MCC: variants seen among roughly 807,000 people sequenced by gnomAD.
The protein encoded by MCC is MCC regulator of Wnt signaling pathway.
In MCC, 90 loss-of-function variants were observed where a neutral mutation model predicts 116.2. The observed-to-expected ratio is 0.77, with a 90% CI of 0.65 to 0.92. MCC has a LOEUF of 0.92. MCC is among the 40% of genes least tolerant of loss of function. The pLI is 0.00. For missense variants in MCC, 1,516 were observed against 1,312.2 expected (o/e 1.16, Z -2.40); for synonymous variants, 578 against 510.5 (o/e 1.13, Z -1.78).
intron 16 of MCC, chr5:113,048,781 G>T (rs1294355496): frequency 4.2e-6 from 2 of 478,786 alleles, no homozygotes; most frequent in South Asian, 4.3e-5. Flanking sequence ...GAGGGCTGCC[G>T]TGTGACAGAG....
chr5:113,053,820 T>G lies in MCC; in HGVS notation c.2353A>C (p.Ile785Leu). Residue 785 changes from isoleucine (I) to leucine (L), a missense_variant, in exon 15 of 19, where the codon ATC (isoleucine) becomes CTC (leucine). Ile to Leu is a conservative substitution (Grantham distance 5). Coordinates refer to ENST00000408903, the MANE Select transcript of MCC (RefSeq NM_001085377.2). ...LTMLELESIH[I>L]DPLSYDVKPR... ...TTGACGTCATAGCTGAGAGGATCGATGTGGATGCTTTCCAGCTCCAGCATG... is the reference window on the plus strand; with the variant it reads ...TTGACGTCATAGCTGAGAGGATCGAGGTGGATGCTTTCCAGCTCCAGCATG... The G allele has an allele frequency of 6.2e-7, 1 of 1,614,190 alleles. No homozygotes were observed. Among genetic ancestry groups the G allele is most frequent in the Non-Finnish European group, 8.5e-7 (1 of 1,180,030 alleles).
At chr5:113,465,548 G>T (rs1771877948) in intron 1 of MCC, among the ~76,000 whole-genome samples, 1 of 152,062 alleles carries the variant, frequency 6.6e-6, no homozygotes, top group African/African-American at 2.4e-5. Context: ...ACCATATAAA[G>T]CTTATATTTT....
intron 15 of MCC, among the ~76,000 whole-genome samples, chr5:113,052,703 A>G (rs1752563588): frequency 6.6e-6 from 1 of 151,952 alleles, no homozygotes; most frequent in Non-Finnish European, 1.5e-5. Flanking sequence ...GGAGCCATTA[A>G]CTCTGCACTG....
intron 1 of MCC, among the ~76,000 whole-genome samples, chr5:113,423,267 GC>G (rs1466804870): frequency 1.3e-5 from 2 of 152,180 alleles, no homozygotes; most frequent in East Asian, 3.8e-4. Flanking sequence ...TAAGTGCCTT[GC>G]AAAGAATATA....
chr5:113,150,713 C>A (rs4705797), intron 4 of MCC, among the ~76,000 whole-genome samples: 1 of 151,834 alleles, frequency 6.6e-6, no homozygotes, highest in East Asian at 1.9e-4. Context: ...ATGTAACATA[C>A]AAATGATAGA....
At chr5:113,165,427 A>C (rs1479479131) in intron 3 of MCC, among the ~76,000 whole-genome samples, 1 of 152,212 alleles carries the variant, frequency 6.6e-6, no homozygotes, top group Non-Finnish European at 1.5e-5. Flanking sequence ...TTACAAACTG[A>C]CTTATTCCTT....
At chr5:113,357,117 G>A (rs1768432719) in intron 2 of MCC, among the ~76,000 whole-genome samples, 1 of 152,164 alleles carries the variant, frequency 6.6e-6, no homozygotes, top group Admixed American at 6.5e-5. Context: ...GTTTCTTAAT[G>A]TTTAAAATAG....
In MCC at chr5:113,096,550, T is replaced by C. The variant is rs188731894; in HGVS notation, c.1398+5189A>G. On this transcript the variant is annotated intron_variant, in intron 8 of 18. Coordinates refer to ENST00000408903, the MANE Select transcript of MCC (RefSeq NM_001085377.2). The stretch of plus-strand genomic sequence containing the variant: ...CATGTAAATCAGCTGCATCAGAAAC[T>C]TGTACTGTTGAATATCCACATGTTC... Among the ~76,000 whole-genome samples the C allele has an allele frequency of 1.2e-4, 19 of 152,250 alleles. No individual in the cohort carries two copies. In the East Asian group the frequency reaches 3.1e-3, roughly 25 times the overall value.
At chr5:113,070,204 T>A (rs1479533396) in intron 12 of MCC, among the ~76,000 whole-genome samples, 2 of 152,222 alleles carry the variant, frequency 1.3e-5, no homozygotes, top group Non-Finnish European at 2.9e-5. Flanking sequence ...TAAACAAGAA[T>A]GTTTCTTAAA....
intron 3 of MCC, among the ~76,000 whole-genome samples, chr5:113,200,900 C>G (rs950877102): frequency 6.6e-6 from 1 of 152,190 alleles, no homozygotes; most frequent in Non-Finnish European, 1.5e-5. Context: ...TCTTTCAATG[C>G]ATTTGGCTTT....
chr5:113,357,093 G>A (rs2150383933), intron 2 of MCC, among the ~76,000 whole-genome samples: 1 of 152,300 alleles, frequency 6.6e-6, no homozygotes, highest in South Asian at 2.1e-4. Flanking sequence ...CATCAAGCAA[G>A]TTATTTAGCC....
intron 1 of MCC, among the ~76,000 whole-genome samples, chr5:113,413,014 A>C (rs1045765515): frequency 1.3e-5 from 2 of 152,200 alleles, no homozygotes; most frequent in Non-Finnish European, 2.9e-5. Flanking sequence ...CCTTTTCTGC[A>C]TCTATTGAGA....
intron 3 of MCC, among the ~76,000 whole-genome samples, chr5:113,291,799 T>A (rs539698402): frequency 1.3e-5 from 2 of 152,070 alleles, no homozygotes; most frequent in Non-Finnish European, 2.9e-5. Context: ...ACACCAAAGA[T>A]CTAATGTGAG....
chr5:113,056,252 A>G (rs1222648820), intron 14 of MCC, among the ~76,000 whole-genome samples: 1 of 152,220 alleles, frequency 6.6e-6, no homozygotes, highest in Non-Finnish European at 1.5e-5. Context: ...TACCTGCTTC[A>G]TAAAGTCAGG....
chr5:113,310,043 G>A (rs1228558500), intron 3 of MCC, among the ~76,000 whole-genome samples: 1 of 151,926 alleles, frequency 6.6e-6, no homozygotes, highest in African/African-American at 2.4e-5. Flanking sequence ...CCAGTTATAA[G>A]GAATACACGA....
chr5:113,231,565 C>G (rs1431581153), intron 3 of MCC, among the ~76,000 whole-genome samples: 1 of 152,088 alleles, frequency 6.6e-6, no homozygotes, highest in Non-Finnish European at 1.5e-5. Context: ...CACTTTGTTC[C>G]TACAGGCAAA....
chr5:113,461,744 TA>T (rs56312844), intron 1 of MCC, among the ~76,000 whole-genome samples: 45,280 of 118,638 alleles, frequency 0.38, 8,572 homozygotes, highest in East Asian at 0.61. Flanking sequence ...CTTGCACCAG[TA>T]AAAAAAAAAA....
At position 113,053,783 on chromosome 5, in the gene MCC, T is replaced by A. The variant is rs141603967; in HGVS notation, c.2390A>T (p.Asp797Val). 3 of 1,613,758 alleles carry A rather than the reference T, an allele frequency of 1.9e-6. No homozygotes were observed. The African/African-American group carries it at 4.0e-5, about 22-fold the overall frequency. Residue 797 changes from aspartate (D) to valine (V), a missense_variant, in exon 15 of 19, where the codon GAC (aspartate) becomes GTC (valine). By Grantham distance (152) the Asp-to-Val change is radical (BLOSUM62 -3). Coordinates refer to ENST00000408903, the MANE Select transcript of MCC (RefSeq NM_001085377.2). ...PLSYDVKPRG[D>V]SQRLDLENAV... ...GTTTTCCAGATCCAGCCTCTGGCTG[T>A]CTCCCCGAGGCTTGACGTCATAGCT...
At chr5:113,127,569 C>A (rs185504736) in intron 5 of MCC, among the ~76,000 whole-genome samples, 1 of 152,250 alleles carries the variant, frequency 6.6e-6, no homozygotes, top group Non-Finnish European at 1.5e-5. Context: ...TGGTGTGTCA[C>A]TGTGGTTTTG....
Sources: allele counts gnomAD v4.1 joint callset (sites outside exome capture counted in the v4.1 genomes callset), GRCh38; gene constraint gnomAD v4.1.1; transcripts MANE v1.5; gene names NCBI Gene and HGNC (gene_info 2026-07-23, HGNC 2026-07-21).